The following RASEF variants were observed in gnomAD, a reference collection of about 807,000 sequenced individuals.
The protein encoded by RASEF is ras and EF-hand domain-containing protein.
RASEF carries 68 observed loss-of-function variants against 90.1 expected under a neutral mutation model. The observed-to-expected ratio is 0.75, with a 90% CI of 0.62 to 0.92. RASEF has a LOEUF of 0.92. Ranked by LOEUF, RASEF falls within the 40% of genes least tolerant of loss-of-function variation. The pLI is 0.00. For synonymous variants in RASEF, 331 were observed against 345.2 expected (o/e 0.96, Z 0.46); for missense variants, 949 against 937.2 (o/e 1.01, Z -0.16).
chr9:83,046,122 G>A (rs1829925645), intron 1 of RASEF, among the ~76,000 whole-genome samples: 1 of 151,752 alleles, frequency 6.6e-6, no homozygotes. Context: ...GGGTACATGT[G>A]CAGGTTTGTT....
chr9:83,166,765 A>AACTC, the RASEF span, among the ~76,000 whole-genome samples: 1 of 152,132 alleles, frequency 6.6e-6, no homozygotes, highest in African/African-American at 2.4e-5. Context: ...TTAGGCAGAG[A>AACTC]ACTCACTCAG....
At chr9:83,074,995 A>G in the RASEF span, among the ~76,000 whole-genome samples, 1 of 152,256 alleles carries the variant, frequency 6.6e-6, no homozygotes, top group African/African-American at 2.4e-5. Flanking sequence ...TTAAAATTTT[A>G]AAAATAAGAA....
At chr9:82,986,466 C>G (rs1446477019) in intron 16 of RASEF, among the ~76,000 whole-genome samples, 3 of 152,180 alleles carry the variant, frequency 2.0e-5, no homozygotes, top group African/African-American at 7.2e-5. Flanking sequence ...GTGTTAAGTG[C>G]CAATAATGCA....
chr9:83,082,587 A>G, the RASEF span, among the ~76,000 whole-genome samples: 1 of 152,238 alleles, frequency 6.6e-6, no homozygotes, highest in Non-Finnish European at 1.5e-5. Context: ...CAGATAGTCC[A>G]ACATGCAAGA....
intron 16 of RASEF, among the ~76,000 whole-genome samples, chr9:82,988,373 G>C (rs967167301): frequency 1.3e-5 from 2 of 151,830 alleles, no homozygotes; most frequent in African/African-American, 2.4e-5. Flanking sequence ...ACTATTCACA[G>C]CCAAAAACAA....
At chr9:83,096,124 C>G in the RASEF span, among the ~76,000 whole-genome samples, 1 of 152,196 alleles carries the variant, frequency 6.6e-6, no homozygotes, top group Non-Finnish European at 1.5e-5. Flanking sequence ...TGAGAGGATG[C>G]CTCAGTGGAG....
At chr9:83,144,326 G>GGAAA in the RASEF span, among the ~76,000 whole-genome samples, 995 of 39,380 alleles carry the variant, frequency 0.025, 66 homozygotes, top group Non-Finnish European at 0.035. Flanking sequence ...AAAGAAAGAA[G>GGAAA]GAAAGAAAGA....
the RASEF span, among the ~76,000 whole-genome samples, chr9:83,115,766 T>C: frequency 6.6e-6 from 1 of 152,090 alleles, no homozygotes; most frequent in Non-Finnish European, 1.5e-5. Context: ...TGAGACAGCA[T>C]TTACTTTAAA....
At chr9:83,058,700 T>A (rs1481818308) in intron 1 of RASEF, among the ~76,000 whole-genome samples, 1 of 152,206 alleles carries the variant, frequency 6.6e-6, no homozygotes, top group Non-Finnish European at 1.5e-5. Context: ...TACTTGTTTT[T>A]AAAAATTTCC....
chr9:83,133,894 A>G, the RASEF span, among the ~76,000 whole-genome samples: 11 of 152,144 alleles, frequency 7.2e-5, no homozygotes, highest in Non-Finnish European at 1.2e-4. Context: ...TCATATACAC[A>G]GTAATTAAGG....
intron 1 of RASEF, chr9:83,055,129 C>A (rs1227301923): frequency 7.8e-5 from 13 of 167,404 alleles, no homozygotes; most frequent in Non-Finnish European, 1.6e-4. Context: ...CAATGGCGGG[C>A]GCCCCTCCCC....
intron 1 of RASEF, chr9:83,048,199 G>A (rs1029030705): frequency 1.0e-6 from 1 of 985,376 alleles, no homozygotes; most frequent in Non-Finnish European, 1.2e-6. Context: ...GAAGGAGCTT[G>A]GAGGTCATCT....
At chr9:83,152,731 C>CAT in the RASEF span, among the ~76,000 whole-genome samples, 3 of 92,228 alleles carry the variant, frequency 3.3e-5, no homozygotes, top group East Asian at 7.0e-4. Flanking sequence ...CGCACAGACA[C>CAT]ACATACACAC....
chr9:83,116,498 G>A, the RASEF span, among the ~76,000 whole-genome samples: 1 of 151,156 alleles, frequency 6.6e-6, no homozygotes, highest in African/African-American at 2.5e-5. Flanking sequence ...TAGAAATACT[G>A]GGAATGAACA....
At chr9:83,086,163 G>C in the RASEF span, among the ~76,000 whole-genome samples, 1 of 152,170 alleles carries the variant, frequency 6.6e-6, no homozygotes, top group Non-Finnish European at 1.5e-5. Flanking sequence ...TTATGCGTAT[G>C]TGAAGAGGTA....
At chr9:83,144,384 AAAG>A in the RASEF span, among the ~76,000 whole-genome samples, 2 of 49,886 alleles carry the variant, frequency 4.0e-5, no homozygotes, top group African/African-American at 2.2e-4. Context: ...AGAAAGAAAG[AAAG>A]AAAGGAAAGA....
chr9:83,148,570 C>T, the RASEF span, among the ~76,000 whole-genome samples: 1 of 152,130 alleles, frequency 6.6e-6, no homozygotes, highest in East Asian at 1.9e-4. Context: ...ACCAACCCTG[C>T]CAGGACCTTG....
the RASEF span, among the ~76,000 whole-genome samples, chr9:83,191,274 G>T: frequency 6.6e-6 from 1 of 152,152 alleles, no homozygotes; most frequent in African/African-American, 2.4e-5. Flanking sequence ...AAACCAATTT[G>T]CTAACAAAGA....
At chr9:83,041,804 C>T (rs908765266) in intron 1 of RASEF, among the ~76,000 whole-genome samples, 8 of 152,078 alleles carry the variant, frequency 5.3e-5, no homozygotes, top group Non-Finnish European at 1.2e-4. Flanking sequence ...CATTAAAATC[C>T]GACTTTGGCA....
Sources: gnomAD v4.1 joint callset for allele counts (sites outside exome capture counted in the v4.1 genomes callset) on GRCh38, gnomAD v4.1.1 for gene constraint, MANE v1.5 for transcripts, NCBI Gene and HGNC (gene_info 2026-07-23, HGNC 2026-07-21) for gene names.